Variants in PLA2G4C observed in about 807,000 individuals in gnomAD.
PLA2G4C encodes phospholipase A2 group IVC, also known as cytosolic phospholipase A2 gamma.
A neutral mutation model predicts 73.8 loss-of-function variants in PLA2G4C; 64 were observed. The ratio of observed to expected loss-of-function variants is 0.87; its 90% confidence interval spans 0.71 to 1.07. The LOEUF (loss-of-function observed/expected upper bound fraction) is 1.07. Among genes scored for constraint, PLA2G4C ranks in the 50% least tolerant of loss-of-function variants. The pLI, the probability that PLA2G4C is intolerant of heterozygous loss-of-function variation, is 0.00. For missense variants in PLA2G4C, 622 were observed against 665.4 expected (o/e 0.93, Z 0.72); for synonymous variants, 254 against 252.1 (o/e 1.01, Z -0.07).
In PLA2G4C at chr19:48,104,631, A is replaced by G. The variant is rs1277918853; in HGVS notation, c.214T>C (p.Leu72=). 3.1e-6 allele frequency: 5 copies of G among 1,614,020 alleles called. No homozygotes were observed. The South Asian group carries it at 3.3e-5, about 11-fold the overall frequency. ...VLSEMKEQGL[L]DAVTYLAGVS... The stretch of plus-strand genomic sequence containing the variant: ...CCTGCGAGGTACGTGACGGCATCCA[A>G]CAGGCCCTGTTCTTTCATCTCACTC... Residue 72 remains leucine, a synonymous_variant, in exon 4 of 17, where the codon TTG becomes CTG. Coordinates refer to ENST00000599921, the MANE Select transcript of PLA2G4C (RefSeq NM_003706.3).
At chr19:48,089,289 C>T (rs1441299187) in intron 8 of PLA2G4C, among the ~76,000 whole-genome samples, 7 of 152,018 alleles carry the variant, frequency 4.6e-5, no homozygotes, top group Admixed American at 2.6e-4. Context: ...TAGCCAGGCA[C>T]GGTGGTGCGC....
Position 48,074,894 on chromosome 19 carries a change from T to A in PLA2G4C, c.899-20A>T. On this transcript the variant is annotated intron_variant, in intron 11 of 16. Transcript: ENST00000599921. The stretch of plus-strand genomic sequence containing the variant: ...CTTCATCTACGTCAAGAAATCCAGG[T>A]GGTCTCAGACACTGTCCAAGTACCC... The A allele has an allele frequency of 6.5e-7, 1 of 1,530,148 alleles. No homozygotes were observed. Among genetic ancestry groups the A allele is most frequent in the South Asian group, 1.2e-5 (1 of 83,406 alleles). 94.8% of individuals were successfully genotyped at this position (1,530,148 alleles called of 1,614,324 possible).
In PLA2G4C at chr19:48,090,422, C is replaced by A. The variant is rs1339597690; in HGVS notation, c.710-5G>T. The A allele has an allele frequency of 6.2e-7, 1 of 1,608,278 alleles. No individual in the cohort carries two copies. Among genetic ancestry groups the A allele is most frequent in the Non-Finnish European group, 8.5e-7 (1 of 1,174,886 alleles). ...CAAGAGCACTTCCCCATAAACCTGC[C>A]AAGAAAAGAGCAATAAAATTCAAAC... On this transcript the variant is annotated splice_region_variant and splice_polypyrimidine_tract_variant and intron_variant, in intron 7 of 16. Transcript: ENST00000599921.
At position 48,105,598 on chromosome 19, in the gene PLA2G4C, G is replaced by A. The variant is rs1462556132; in HGVS notation, c.9-154C>T. 2.0e-5 allele frequency: 12 copies of A among 609,736 alleles called. No homozygotes were observed. The South Asian group carries it at 2.4e-4, about 12-fold the overall frequency. The allele number at this position is 609,736 out of a possible 1,614,324, so 37.8% of individuals were successfully genotyped here. A position where few individuals can be genotyped will look rare whatever the true frequency, so the allele number is the denominator to read the frequency against. On this transcript the variant is annotated intron_variant, in intron 2 of 16. Coordinates refer to ENST00000599921, the MANE Select transcript of PLA2G4C (RefSeq NM_003706.3). ...GGGTGAGGAAAATATTCTGAAACTAGATAGAGGTGATGGTTGTACAACACT... is the reference window on the plus strand; with the variant it reads ...GGGTGAGGAAAATATTCTGAAACTAAATAGAGGTGATGGTTGTACAACACT...
At chr19:48,052,823 T>C in intron 16 of PLA2G4C, 174 bp downstream of exon 16, 1 of 536,704 alleles carries the variant, frequency 1.9e-6, no homozygotes, top group East Asian at 3.2e-5. Context: ...AGAAAACCAT[T>C]CACTCCTGAC....
In PLA2G4C at chr19:48,072,458, C is replaced by T. The variant is rs979529627; in HGVS notation, c.1006+2309G>A. On this transcript the variant is annotated intron_variant, in intron 12 of 16. Coordinates refer to ENST00000599921, the MANE Select transcript of PLA2G4C (RefSeq NM_003706.3). The surrounding 1 kb of genome is among the most constrained non-coding windows in gnomAD (Gnocchi z 4.4). ...TCCATTACCCACCGGAGGGGTAAAC[C>T]CAAGCCTCTCATCTGCCAGACTGAA... 9.9e-5 allele frequency: 15 copies of T among 152,178 alleles called. No individual in the cohort carries two copies. Among genetic ancestry groups the T allele is most frequent in the Admixed American group, 9.8e-4 (15 of 15,278 alleles). The allele number at this position is 152,178 out of a possible 1,614,324, so 9.4% of individuals were successfully genotyped here. A position where few individuals can be genotyped will look rare whatever the true frequency, so the allele number is the denominator to read the frequency against.
intron 15 of PLA2G4C, 134 bp from the exon 16 acceptor site, chr19:48,053,281 C>T (rs1038687733): frequency 2.2e-5 from 11 of 502,538 alleles, no homozygotes; most frequent in African/African-American, 2.2e-4. Context: ...ACTACTTTGG[C>T]TTTATAAATA....
chr19:48,061,660 C>T (rs374758930), intron 14 of PLA2G4C: 52 of 271,324 alleles, frequency 1.9e-4, no homozygotes, highest in African/African-American at 1.1e-3. Context: ...GGGCTGGAGA[C>T]GTGCACACCC....
chr19:48,066,452 G>A (rs1366442), intron 13 of PLA2G4C, among the ~76,000 whole-genome samples: 3 of 151,712 alleles, frequency 2.0e-5, no homozygotes, highest in South Asian at 2.1e-4. Context: ...GGCATGGTGC[G>A]CAGACACAGC....
chr19:48,108,557 G>A (rs7247456), intron 1 of PLA2G4C, among the ~76,000 whole-genome samples: 45,989 of 152,112 alleles, frequency 0.3, 7,940 homozygotes, highest in East Asian at 0.51. Context: ...GAAGCTAAGG[G>A]ATGGCAGGTC....
chr19:48,092,612 G>C (rs958119689), intron 7 of PLA2G4C, among the ~76,000 whole-genome samples: 5 of 152,320 alleles, frequency 3.3e-5, no homozygotes, highest in Admixed American at 2.0e-4. Flanking sequence ...GTACAACATG[G>C]ATGAACTTCG....
chr19:48,105,190 T>G, intron 3 of PLA2G4C, 143 bp downstream of exon 3: 2 of 565,326 alleles, frequency 3.5e-6, no homozygotes, highest in South Asian at 4.8e-5. Context: ...GCCTGTCCCA[T>G]AGAAGTTCAT....
chr19:48,107,704 G>T (rs1359886689), intron 1 of PLA2G4C, among the ~76,000 whole-genome samples: 1 of 152,086 alleles, frequency 6.6e-6, no homozygotes, highest in Non-Finnish European at 1.5e-5. Context: ...TTATCCAGAG[G>T]CCTGACCATC....
At chr19:48,094,969 T>C (rs1198395680) in intron 7 of PLA2G4C, among the ~76,000 whole-genome samples, 2 of 152,102 alleles carry the variant, frequency 1.3e-5, no homozygotes, top group Non-Finnish European at 2.9e-5. Flanking sequence ...ACTGCAGCCT[T>C]GAACTCCCAT....
At chr19:48,088,836 T>C (rs1600226399) in intron 8 of PLA2G4C, 124 bp from the exon 9 acceptor site, 2 of 753,092 alleles carry the variant, frequency 2.7e-6, no homozygotes, top group East Asian at 2.6e-5. Context: ...TGGGCTCCAA[T>C]GGCAGCCAAT....
rs561213619 is a variant in PLA2G4C at position 48,048,788 on chromosome 19, G to A, written c.1581-400C>T. Among the ~76,000 whole-genome samples, 7 of 152,178 alleles carry A rather than the reference G, an allele frequency of 4.6e-5. No individual in the cohort carries two copies. The East Asian group carries it at 7.7e-4, about 17-fold the overall frequency. On this transcript the variant is annotated intron_variant, in intron 16 of 16. Coordinates refer to ENST00000599921, the MANE Select transcript of PLA2G4C (RefSeq NM_003706.3). ...AATAACAGCTTTCCTTCTGTTCCTC[G>A]AATAGACTGATATAGTTTGGAAATT...
intron 11 of PLA2G4C, among the ~76,000 whole-genome samples, chr19:48,075,109 TC>T (rs1461946531): frequency 6.6e-6 from 1 of 152,030 alleles, no homozygotes; most frequent in Non-Finnish European, 1.5e-5. Context: ...CCTCTACTCA[TC>T]TTTTGCACGC....
chr19:48,106,522 C>T lies in PLA2G4C; in HGVS notation c.8G>A (p.Ser3Asn). 1 of 1,610,434 alleles carries T rather than the reference C, an allele frequency of 6.2e-7. No individual in the cohort carries two copies. The highest frequency in any genetic ancestry group is 1.3e-5 in the African/African-American group (1 of 74,972). Residue 3 changes from serine to asparagine, a missense_variant and splice_region_variant, in exon 2 of 17, where the codon AGC becomes AAC. Transcript: ENST00000599921. Reference sequence around the variant, plus strand: ...AGTGGTCAGCTCTAAGAGGACTTACCTTCCCATGGTGCACTGCGGTCAGAA... The same window carrying T: ...AGTGGTCAGCTCTAAGAGGACTTACTTTCCCATGGTGCACTGCGGTCAGAA... MG[S>N]SEVSIIPGLQ...
chr19:48,095,433 C>G (rs561685833), intron 7 of PLA2G4C, 31 bp downstream of exon 7: 1 of 1,605,786 alleles, frequency 6.2e-7, no homozygotes, highest in African/African-American at 1.3e-5. Flanking sequence ...CTTCCCACCC[C>G]CTTTTAATCC....
Sources: gnomAD v4.1 joint callset for allele counts (sites outside exome capture counted in the v4.1 genomes callset) on GRCh38, gnomAD v4.1.1 for gene constraint, Gnocchi (gnomAD v3.1) non-coding constraint, MANE v1.5 for transcripts, NCBI Gene and HGNC (gene_info 2026-07-23, HGNC 2026-07-21) for gene names.